The following MDGA2 variants were observed in gnomAD, a reference collection of about 807,000 sequenced individuals.
MDGA2 encodes MAM domain containing glycosylphosphatidylinositol anchor 2.
In MDGA2, 40 loss-of-function variants were observed where a neutral mutation model predicts 117.8. The ratio of observed to expected loss-of-function variants is 0.34; its 90% CI spans 0.26 to 0.44. The LOEUF (loss-of-function observed/expected upper bound fraction) is 0.44. Ranked by LOEUF, MDGA2 falls within the 20% of genes least tolerant of loss-of-function variation. The pLI, the probability that MDGA2 is intolerant of heterozygous loss-of-function variation, is 1.00. For missense variants in MDGA2, 1,123 were observed against 1,250.6 expected (o/e 0.90, Z 1.54); for synonymous variants, 452 against 439.0 (o/e 1.03, Z -0.37).
chr14:46,951,744 A>G (rs1419854095), intron 9 of MDGA2, among the ~76,000 whole-genome samples: 1 of 152,008 alleles, frequency 6.6e-6, no homozygotes, highest in Non-Finnish European at 1.5e-5. Flanking sequence ...ATAAGAACAC[A>G]GCCCAACCAA....
rs542395079 is a variant in MDGA2, at chr14:47,647,970, C to A, written c.280+26547G>T. ...TGTATTAAATTATTACAGATGCCAC[C>A]AAAATATGTATATCTATTATGCATC... On this transcript the variant is annotated intron_variant, in intron 1 of 16. Coordinates refer to ENST00000399232, the MANE Select transcript of MDGA2 (RefSeq NM_001113498.3). 2.4e-3 allele frequency among the ~76,000 whole-genome samples: 370 copies of A among 152,060 alleles called. 1 individual carries two copies. Among genetic ancestry groups the A allele is most frequent in the Admixed American group, 3.7e-3 (56 of 15,272 alleles).
chr14:47,549,319 A>G (rs944532140), intron 1 of MDGA2, among the ~76,000 whole-genome samples: 5 of 143,762 alleles, frequency 3.5e-5, no homozygotes, highest in African/African-American at 1.0e-4. Context: ...AAAAAAGTTC[A>G]TGTTGATAGG....
intron 9 of MDGA2, among the ~76,000 whole-genome samples, chr14:46,930,915 T>C (rs1194007937): frequency 6.6e-6 from 1 of 152,082 alleles, no homozygotes; most frequent in African/African-American, 2.4e-5. Context: ...TAAAACTCTT[T>C]TTAAAAATCT....
chr14:47,233,561 A>T (rs1465505600), intron 2 of MDGA2, among the ~76,000 whole-genome samples: 1 of 152,062 alleles, frequency 6.6e-6, no homozygotes, highest in Admixed American at 6.6e-5. Context: ...TCTTCATGTG[A>T]TATGTAGTAT....
chr14:47,668,909 A>G (rs1370685729), intron 1 of MDGA2, among the ~76,000 whole-genome samples: 2 of 152,154 alleles, frequency 1.3e-5, no homozygotes, highest in Non-Finnish European at 2.9e-5. Context: ...GCCTTTATAG[A>G]TTACAAACCT....
chr14:47,495,713 A>C (rs1894268858), intron 1 of MDGA2, among the ~76,000 whole-genome samples: 1 of 152,208 alleles, frequency 6.6e-6, no homozygotes, highest in Non-Finnish European at 1.5e-5. Context: ...CTGTTGAATA[A>C]CTATTCGAGT....
intron 2 of MDGA2, among the ~76,000 whole-genome samples, chr14:47,237,236 C>T (rs2139592906): frequency 1.3e-5 from 2 of 152,150 alleles, no homozygotes; most frequent in Admixed American, 1.3e-4. Context: ...CACCTTAGTT[C>T]CCTGACTTAA....
intron 15 of MDGA2, among the ~76,000 whole-genome samples, chr14:46,849,202 T>A (rs1880963462): frequency 6.6e-6 from 1 of 151,990 alleles, no homozygotes; most frequent in Non-Finnish European, 1.5e-5. Context: ...ATAAAGAATC[T>A]ATTTTAATAG....
intron 8 of MDGA2, among the ~76,000 whole-genome samples, chr14:47,027,648 A>G (rs539393511): frequency 1.6e-3 from 219 of 140,810 alleles, no homozygotes; most frequent in African/African-American, 5.3e-3. Context: ...TATATATGCA[A>G]TGCACTCAGT....
intron 3 of MDGA2, among the ~76,000 whole-genome samples, chr14:47,201,605 G>A (rs1006300180): frequency 2.6e-5 from 4 of 152,156 alleles, no homozygotes; most frequent in African/African-American, 9.7e-5. Flanking sequence ...TAACCCAACT[G>A]TTGCTCACAT....
intron 1 of MDGA2, among the ~76,000 whole-genome samples, chr14:47,627,260 G>A (rs1048155024): frequency 4.6e-5 from 7 of 151,702 alleles, no homozygotes; most frequent in Non-Finnish European, 7.4e-5. Flanking sequence ...ATCTGGTGGG[G>A]ACTTGGAGAA....
chr14:47,126,261 A>C (rs1184827750), intron 5 of MDGA2, among the ~76,000 whole-genome samples: 1 of 152,088 alleles, frequency 6.6e-6, no homozygotes, highest in East Asian at 1.9e-4. Context: ...TTTCATCCAA[A>C]TATGAGTAGG....
At chr14:47,218,306 C>A in intron 2 of MDGA2, 111 bp from the exon 3 acceptor site, 2 of 895,390 alleles carry the variant, frequency 2.2e-6, no homozygotes, top group Non-Finnish European at 3.2e-6. Context: ...CATTGCCTCT[C>A]CCATCAAATT....
At chr14:46,864,764 T>C (rs1881676870) in intron 14 of MDGA2, among the ~76,000 whole-genome samples, 1 of 151,974 alleles carries the variant, frequency 6.6e-6, no homozygotes, top group South Asian at 2.1e-4. Context: ...ATATCAACTA[T>C]TATCAAACAG....
chr14:47,624,421 G>A (rs1897104708), intron 1 of MDGA2, among the ~76,000 whole-genome samples: 1 of 152,120 alleles, frequency 6.6e-6, no homozygotes, highest in Admixed American at 6.6e-5. Context: ...TCACAGCACC[G>A]CACTCCAGCC....
chr14:47,376,927 C>A (rs10129581), intron 1 of MDGA2, among the ~76,000 whole-genome samples: 150,104 of 152,282 alleles, frequency 0.99, 74,020 homozygotes, highest in East Asian at 1. Flanking sequence ...CTATCTACTC[C>A]ACATGTAAAG....
chr14:47,113,754 C>A (rs576166196), intron 5 of MDGA2, among the ~76,000 whole-genome samples: 29 of 152,104 alleles, frequency 1.9e-4, no homozygotes, highest in African/African-American at 6.3e-4. Flanking sequence ...ATGGAACACA[C>A]CTCAAAATAA....
chr14:46,853,452 T>C (rs1881142127), intron 15 of MDGA2, among the ~76,000 whole-genome samples: 1 of 151,584 alleles, frequency 6.6e-6, no homozygotes, highest in South Asian at 2.1e-4. Context: ...GAAAAATATA[T>C]CAAAGCACAT....
At chr14:46,959,293 GT>G (rs1407510166) in intron 8 of MDGA2, among the ~76,000 whole-genome samples, 1 of 132,912 alleles carries the variant, frequency 7.5e-6, no homozygotes, top group African/African-American at 3.4e-5. Flanking sequence ...GTGTGTGTGT[GT>G]GTGTGTGTGG....
Sources: gnomAD v4.1 joint callset for allele counts (sites outside exome capture counted in the v4.1 genomes callset) on GRCh38, gnomAD v4.1.1 for gene constraint, MANE v1.5 for transcripts, NCBI Gene and HGNC (gene_info 2026-07-23, HGNC 2026-07-21) for gene names.